NPAS3: variants seen among roughly 807,000 people sequenced by gnomAD.
NPAS3 encodes neuronal PAS domain protein 3, also known as neuronal PAS domain-containing protein 3.
NPAS3 carries 14 observed loss-of-function variants against 73.1 expected under a neutral mutation model. The ratio of observed to expected loss-of-function variants is 0.19; its 90% CI spans 0.13 to 0.30. The LOEUF is 0.30. Ranked by LOEUF, NPAS3 falls within the 10% of genes least tolerant of loss-of-function variation. The probability of loss-of-function intolerance (pLI) is 1.00; values close to 1 mark genes in which losing one functional copy is unlikely to be tolerated. For missense variants in NPAS3, 1,096 were observed against 1,250.0 expected, an observed-to-expected ratio of 0.88 and a Z score of 1.86; for synonymous variants, 620 against 541.5, an observed-to-expected ratio of 1.14 and a Z score of -2.01.
chr14:33,752,599 A>G (rs2061996124), intron 7 of NPAS3, among the ~76,000 whole-genome samples: 1 of 152,226 alleles, frequency 6.6e-6, no homozygotes, highest in Non-Finnish European at 1.5e-5. Context: ...GTCACTTTAT[A>G]GACATATGCA....
chr14:33,386,841 G>A (rs1317707998), intron 4 of NPAS3, among the ~76,000 whole-genome samples: 1 of 152,158 alleles, frequency 6.6e-6, no homozygotes, highest in African/African-American at 2.4e-5. Context: ...TCTTCATGCT[G>A]TTCATAACTA....
intron 4 of NPAS3, among the ~76,000 whole-genome samples, chr14:33,522,664 CTT>C (rs1361019618): frequency 6.6e-6 from 1 of 152,000 alleles, no homozygotes; most frequent in Non-Finnish European, 1.5e-5. Flanking sequence ...TGTTAATTGT[CTT>C]TTATAGCAAA....
At chr14:33,286,520 AT>A (rs1175950657) in intron 3 of NPAS3, among the ~76,000 whole-genome samples, 4 of 152,300 alleles carry the variant, frequency 2.6e-5, no homozygotes, top group African/African-American at 7.2e-5. Flanking sequence ...TAGTTTCTAA[AT>A]ACTTGTGCTT....
chr14:33,299,234 T>G (rs1244497187), intron 3 of NPAS3, among the ~76,000 whole-genome samples: 1 of 152,226 alleles, frequency 6.6e-6, no homozygotes, highest in African/African-American at 2.4e-5. Context: ...CGTCTTTCCC[T>G]TGAGCCCACA....
chr14:33,015,190 A>G (rs1406706246), intron 1 of NPAS3, among the ~76,000 whole-genome samples: 1 of 152,222 alleles, frequency 6.6e-6, no homozygotes, highest in African/African-American at 2.4e-5. Flanking sequence ...CTGAGAATGT[A>G]TCTCTAAAGT....
chr14:33,315,505 TC>T (rs1351552583), intron 3 of NPAS3, among the ~76,000 whole-genome samples: 3 of 123,354 alleles, frequency 2.4e-5, no homozygotes, highest in East Asian at 6.3e-4. Context: ...GAAGAGTGTG[TC>T]GGGGGGGGAG....
downstream of NPAS3, chr14:33,802,795 T>C (rs2063747884): frequency 6.6e-6 from 1 of 152,332 alleles, no homozygotes; most frequent in Non-Finnish European, 1.5e-5. Flanking sequence ...ATGCTGCTTC[T>C]ACTGTCTGTG....
intron 1 of NPAS3, among the ~76,000 whole-genome samples, chr14:33,043,005 T>C (rs2040393947): frequency 6.6e-6 from 1 of 152,188 alleles, no homozygotes; most frequent in African/African-American, 2.4e-5. Flanking sequence ...ATTATCTTGC[T>C]GCTGCTGCTT....
chr14:32,945,184 T>G (rs146033638), intron 1 of NPAS3, among the ~76,000 whole-genome samples: 32 of 152,294 alleles, frequency 2.1e-4, no homozygotes, highest in African/African-American at 6.7e-4. Context: ...GTTAGCTTAG[T>G]GTTCTGTGAG....
intron 3 of NPAS3, among the ~76,000 whole-genome samples, chr14:33,246,805 C>T (rs1399006420): frequency 7.9e-6 from 1 of 127,178 alleles, no homozygotes; most frequent in Non-Finnish European, 1.6e-5. Context: ...ACCAGGCTGG[C>T]CAACATGGTG....
rs1555313581 is a variant in NPAS3, at chr14:32,975,896, T to TGA, written c.50+36542_50+36543dup. Among the ~76,000 whole-genome samples, 949 of 142,272 alleles carry TGA rather than the reference T, an allele frequency of 6.7e-3. 23 individuals carry two copies. The highest frequency in any genetic ancestry group is 0.02 in the African/African-American group (757 of 38,502). The allele number at this position is 142,272 out of a possible 152,430, so 93.3% of individuals were successfully genotyped here. A position where few individuals can be genotyped will look rare whatever the true frequency, so the allele number is the denominator to read the frequency against. On this transcript the variant is annotated intron_variant, in intron 1 of 11. Transcript: ENST00000356141. ...GTGTGTGTGTGTGTGTGTGTGTGTG[T>TGA]GAGAGAGAGAGAGTTTGCAGACACG...
At chr14:33,307,593 A>ATGTGTGTGTGTGTGTGTGCGTGTGTGTG in intron 3 of NPAS3, among the ~76,000 whole-genome samples, 1 of 138,950 alleles carries the variant, frequency 7.2e-6, no homozygotes, top group Admixed American at 7.8e-5. Flanking sequence ...TTTTTTTTCA[A>ATGTGTGTGTGTGTGTGTGCGTGTGTGTG]TGTGTGTGTG....
intron 2 of NPAS3, among the ~76,000 whole-genome samples, chr14:33,142,964 G>A (rs968831614): frequency 5.3e-5 from 8 of 151,918 alleles, no homozygotes; most frequent in African/African-American, 1.9e-4. Context: ...AATTAGGTGG[G>A]CATGGTGACA....
intron 10 of NPAS3, among the ~76,000 whole-genome samples, chr14:33,794,487 T>G (rs1240211394): frequency 1.3e-5 from 2 of 152,184 alleles, no homozygotes. Flanking sequence ...TCCTCTTATA[T>G]TTCTTCCCTT....
At chr14:33,619,677 G>A (rs1317375251) in intron 5 of NPAS3, among the ~76,000 whole-genome samples, 2 of 152,144 alleles carry the variant, frequency 1.3e-5, no homozygotes, top group Non-Finnish European at 2.9e-5. Context: ...AGAACTGAAG[G>A]GGATGTTATT....
Position 33,774,440 on chromosome 14 carries a change from C to T in NPAS3, c.956C>T (p.Pro319Leu), listed in dbSNP as rs762615250. Residue 319 changes from proline to leucine, a missense_variant, in exon 8 of 12, where the codon CCT (proline) becomes CTT (leucine). Coordinates refer to ENST00000356141, the Ensembl canonical transcript of NPAS3. ...CTCGTGGTTGTTGCGCATGCCTTGCCTCCCCCTACGATCAATGAAGTCAGA... is the reference window on the plus strand; with the variant it reads ...CTCGTGGTTGTTGCGCATGCCTTGCTTCCCCCTACGATCAATGAAGTCAGA... 1.9e-6 allele frequency: 3 copies of T among 1,614,056 alleles called. No homozygotes were observed. The South Asian group carries it at 3.3e-5, about 18-fold the overall frequency.
At chr14:33,528,507 C>T (rs1389100922) in intron 4 of NPAS3, among the ~76,000 whole-genome samples, 1 of 151,948 alleles carries the variant, frequency 6.6e-6, no homozygotes, top group Non-Finnish European at 1.5e-5. Flanking sequence ...AGGGAGTGGT[C>T]GTCCTAATGT....
intron 2 of NPAS3, among the ~76,000 whole-genome samples, chr14:33,192,661 G>A (rs1032709908): frequency 3.2e-4 from 49 of 152,286 alleles, no homozygotes; most frequent in African/African-American, 1.2e-3. Flanking sequence ...GAACTTAAAA[G>A]AAGTCAGGAG....
At chr14:33,655,005 T>A (rs1205161121) in intron 5 of NPAS3, among the ~76,000 whole-genome samples, 2 of 152,202 alleles carry the variant, frequency 1.3e-5, no homozygotes, top group African/African-American at 4.8e-5. Context: ...ACACACACGA[T>A]CTCATTCAAT....
Sources: allele counts gnomAD v4.1 joint callset (sites outside exome capture counted in the v4.1 genomes callset), GRCh38; gene constraint gnomAD v4.1.1; transcripts MANE v1.5; gene names NCBI Gene and HGNC (gene_info 2026-07-23, HGNC 2026-07-21).